PDE4D: variants seen among roughly 807,000 people sequenced by gnomAD.
PDE4D encodes the protein 3',5'-cyclic-AMP phosphodiesterase 4D.
A neutral mutation model predicts 87.4 loss-of-function variants in PDE4D; 24 were observed. The ratio of observed to expected loss-of-function variants is 0.27; its 90% CI spans 0.20 to 0.39. The LOEUF is 0.39. Ranked by LOEUF, PDE4D falls within the 10% of genes least tolerant of loss-of-function variation. The pLI is 1.00. For synonymous variants in PDE4D, 384 were observed against 383.2 expected (o/e 1.00, Z -0.02); for missense variants, 714 against 1,041.0 (o/e 0.69, Z 4.32).
chr5:59,430,270 A>G (rs1795913717), intron 1 of PDE4D: 3 of 1,230,924 alleles, frequency 2.4e-6, no homozygotes, highest in Non-Finnish European at 3.0e-6. Flanking sequence ...CTGACAAACA[A>G]CTAGAGGAAA....
intron 1 of PDE4D, among the ~76,000 whole-genome samples, chr5:60,254,440 A>G (rs1748825857): frequency 6.6e-6 from 1 of 151,964 alleles, no homozygotes; most frequent in African/African-American, 2.4e-5. Flanking sequence ...TCCACTTAAT[A>G]GCTGAAAGAA....
chr5:60,220,696 C>A (rs1424275252), intron 1 of PDE4D, among the ~76,000 whole-genome samples: 1 of 152,134 alleles, frequency 6.6e-6, no homozygotes, highest in Admixed American at 6.5e-5. Context: ...TCTTTGCCTT[C>A]AATTGATATT....
chr5:59,259,069 T>C (rs1761505255), intron 1 of PDE4D, among the ~76,000 whole-genome samples: 1 of 151,866 alleles, frequency 6.6e-6, no homozygotes, highest in Non-Finnish European at 1.5e-5. Context: ...TGTAAATGGT[T>C]AAAATTCTCA....
intron 1 of PDE4D, among the ~76,000 whole-genome samples, chr5:59,244,680 CTGTGTGTGTGTGTGTGTG>C (rs369829189): frequency 5.8e-5 from 7 of 120,052 alleles, no homozygotes; most frequent in African/African-American, 1.3e-4. Context: ...GTGTGTGTGT[CTGTGTGTGTGTGTGTGTG>C]TGTGTGTGTG....
intron 5 of PDE4D, among the ~76,000 whole-genome samples, chr5:59,050,509 G>T (rs1761381020): frequency 6.6e-6 from 1 of 152,184 alleles, no homozygotes; most frequent in Non-Finnish European, 1.5e-5. Flanking sequence ...GAGTATATCG[G>T]TTATATTTGG....
At chr5:59,083,611 A>G (rs545166939) in intron 5 of PDE4D, among the ~76,000 whole-genome samples, 15 of 132,660 alleles carry the variant, frequency 1.1e-4, no homozygotes, top group Admixed American at 5.4e-4. Context: ...GTATTCTGCT[A>G]TTTATGGAAA....
chr5:59,280,960 T>C (rs927373414), intron 1 of PDE4D, among the ~76,000 whole-genome samples: 2 of 152,120 alleles, frequency 1.3e-5, no homozygotes, highest in Non-Finnish European at 2.9e-5. Flanking sequence ...TACTGACACA[T>C]TGCAGACATT....
intron 1 of PDE4D, among the ~76,000 whole-genome samples, chr5:60,384,433 T>C (rs1762066784): frequency 6.6e-6 from 1 of 152,230 alleles, no homozygotes; most frequent in Admixed American, 6.5e-5. Context: ...TCCAAATTAG[T>C]ATGAACTTCT....
intron 1 of PDE4D, among the ~76,000 whole-genome samples, chr5:60,223,872 G>C (rs1401579379): frequency 6.6e-6 from 1 of 152,076 alleles, no homozygotes; most frequent in African/African-American, 2.4e-5. Context: ...CTTAGTTCAA[G>C]ATGATAGTCT....
At chr5:59,349,206 G>A (rs888356791) in intron 1 of PDE4D, among the ~76,000 whole-genome samples, 10 of 151,924 alleles carry the variant, frequency 6.6e-5, no homozygotes, top group Non-Finnish European at 1.5e-4. Context: ...CCAGCCTTAC[G>A]GAAAATCAGA....
intron 9 of PDE4D, among the ~76,000 whole-genome samples, chr5:58,990,601 C>A (rs1464733171): frequency 2.6e-5 from 4 of 151,868 alleles, no homozygotes; most frequent in Admixed American, 6.6e-5. Context: ...AAAAAAATAA[C>A]AAAATTGATG....
chr5:60,169,617 C>T (rs1396939413), intron 2 of PDE4D, among the ~76,000 whole-genome samples: 1 of 151,832 alleles, frequency 6.6e-6, no homozygotes, highest in Non-Finnish European at 1.5e-5. Context: ...TATTTCTAAC[C>T]CCATTTTTAA....
chr5:59,149,499 T>C (rs967540261), intron 5 of PDE4D, among the ~76,000 whole-genome samples: 1 of 151,950 alleles, frequency 6.6e-6, no homozygotes, highest in Non-Finnish European at 1.5e-5. Flanking sequence ...AACCTTAGAG[T>C]GGGATTTCAG....
At chr5:60,418,616 G>A (rs1031511584) in intron 1 of PDE4D, among the ~76,000 whole-genome samples, 1 of 151,564 alleles carries the variant, frequency 6.6e-6, no homozygotes, top group Non-Finnish European at 1.5e-5. Flanking sequence ...TACATAGTAG[G>A]TATAATATAT....
At chr5:59,845,782 G>T (rs901246483) in intron 1 of PDE4D, among the ~76,000 whole-genome samples, 1 of 152,014 alleles carries the variant, frequency 6.6e-6, no homozygotes, top group Non-Finnish European at 1.5e-5. Flanking sequence ...CAGTTTTTAT[G>T]TAAAAATCAC....
intron 1 of PDE4D, among the ~76,000 whole-genome samples, chr5:59,691,765 G>T (rs1182534377): frequency 6.6e-6 from 1 of 151,288 alleles, no homozygotes; most frequent in African/African-American, 2.4e-5. Context: ...ATTTTAAGAT[G>T]ATCTAGCCAT....
At chr5:59,202,931 T>A (rs891303933) in intron 2 of PDE4D, among the ~76,000 whole-genome samples, 3 of 152,216 alleles carry the variant, frequency 2.0e-5, no homozygotes, top group African/African-American at 7.2e-5. Context: ...ATATTTAGTT[T>A]TCTGAAATTT....
chr5:59,488,163 A>G (rs1805489076), intron 1 of PDE4D, among the ~76,000 whole-genome samples: 1 of 111,540 alleles, frequency 9.0e-6, no homozygotes, highest in African/African-American at 4.6e-5. Context: ...CATCATCAAG[A>G]GCCAAAAAAA....
chr5:59,153,738 T>C (rs1256317903), intron 5 of PDE4D, among the ~76,000 whole-genome samples: 1 of 146,678 alleles, frequency 6.8e-6, no homozygotes, highest in African/African-American at 2.5e-5. Flanking sequence ...AGAATTGCTA[T>C]ACTGGTGGGC....
Sources: allele counts gnomAD v4.1 joint callset (sites outside exome capture counted in the v4.1 genomes callset), GRCh38; gene constraint gnomAD v4.1.1; transcripts MANE v1.5; gene names NCBI Gene and HGNC (gene_info 2026-07-23, HGNC 2026-07-21).